Variants in LRMDA observed in about 807,000 individuals in gnomAD.
LRMDA encodes the protein leucine-rich melanocyte differentiation-associated protein.
LRMDA carries 18 observed loss-of-function variants against 29.8 expected under a neutral mutation model. The ratio of observed to expected loss-of-function variants is 0.60; its 90% CI spans 0.42 to 0.90. The LOEUF (loss-of-function observed/expected upper bound fraction) is 0.90. LRMDA is among the 40% of genes least tolerant of loss of function. The probability of loss-of-function intolerance (pLI) is 0.00; values close to 1 mark genes in which losing one functional copy is unlikely to be tolerated. For missense variants in LRMDA, 273 were observed against 273.9 expected, an observed-to-expected ratio of 1.00 and a Z score of 0.02; for synonymous variants, 125 against 109.4, an observed-to-expected ratio of 1.14 and a Z score of -0.89.
chr10:75,458,218 A>G (rs1055374521), intron 2 of LRMDA, among the ~76,000 whole-genome samples: 5 of 152,200 alleles, frequency 3.3e-5, no homozygotes, highest in Non-Finnish European at 5.9e-5. Flanking sequence ...ATATCCCAAA[A>G]GTAGTTTATT....
chr10:75,858,276 T>A (rs182125534), intron 2 of LRMDA, among the ~76,000 whole-genome samples: 3 of 152,310 alleles, frequency 2.0e-5, no homozygotes, highest in African/African-American at 7.2e-5. Context: ...GGTGAAAAGA[T>A]GCTGATAGCT....
chr10:75,480,020 T>G (rs3012049), intron 2 of LRMDA, among the ~76,000 whole-genome samples: 2 of 3,678 alleles, frequency 5.4e-4, no homozygotes, highest in African/African-American at 1.9e-3. Context: ...GACACAAACA[T>G]GTACTGGGTA....
intron 5 of LRMDA, among the ~76,000 whole-genome samples, chr10:76,248,783 A>G (rs903425281): frequency 2.0e-5 from 3 of 152,348 alleles, no homozygotes; most frequent in Non-Finnish European, 2.9e-5. Context: ...TTTGTGCAGG[A>G]TAACATATCA....
intron 5 of LRMDA, among the ~76,000 whole-genome samples, chr10:76,317,505 A>T (rs528374237): frequency 6.6e-6 from 1 of 152,336 alleles, no homozygotes; most frequent in African/African-American, 2.4e-5. Flanking sequence ...ATTGTAAATT[A>T]TAAGAAGTAA....
chr10:76,253,140 A>G (rs190241409), intron 5 of LRMDA, among the ~76,000 whole-genome samples: 1 of 152,232 alleles, frequency 6.6e-6, no homozygotes, highest in East Asian at 1.9e-4. Flanking sequence ...TGGGAAATTG[A>G]GTTTTCAGAT....
chr10:76,410,787 C>G (rs1455075000), intron 6 of LRMDA, among the ~76,000 whole-genome samples: 1 of 152,178 alleles, frequency 6.6e-6, no homozygotes, highest in South Asian at 2.1e-4. Context: ...AACCCTGTCT[C>G]TACTAAATGT....
chr10:75,791,059 T>G (rs1337220572), intron 2 of LRMDA, among the ~76,000 whole-genome samples: 1 of 152,210 alleles, frequency 6.6e-6, no homozygotes, highest in Non-Finnish European at 1.5e-5. Context: ...GCTAATTCTG[T>G]GCAGTGCAGT....
At chr10:76,469,418 A>C (rs1328938032) in intron 6 of LRMDA, among the ~76,000 whole-genome samples, 1 of 152,124 alleles carries the variant, frequency 6.6e-6, no homozygotes, top group East Asian at 1.9e-4. Context: ...CTAACTGAGA[A>C]CACTTGGGCC....
At chr10:75,563,431 C>G (rs919381518) in intron 2 of LRMDA, among the ~76,000 whole-genome samples, 39 of 152,078 alleles carry the variant, frequency 2.6e-4, no homozygotes, top group Non-Finnish European at 4.3e-4. Flanking sequence ...ATACATTTGT[C>G]TAAATTTTTT....
At chr10:75,752,134 A>G (rs1490286421) in intron 2 of LRMDA, among the ~76,000 whole-genome samples, 2 of 150,726 alleles carry the variant, frequency 1.3e-5, no homozygotes, top group Non-Finnish European at 2.9e-5. Context: ...TTTTCGTGAT[A>G]CTTAGACATA....
At chr10:76,342,125 AG>A (rs1564729418) in intron 6 of LRMDA, among the ~76,000 whole-genome samples, 1 of 152,212 alleles carries the variant, frequency 6.6e-6, no homozygotes, top group African/African-American at 2.4e-5. Flanking sequence ...TTCAGTAGAT[AG>A]AGGTAGTACA....
At chr10:75,558,711 G>GTGA in intron 2 of LRMDA, among the ~76,000 whole-genome samples, 1 of 149,320 alleles carries the variant, frequency 6.7e-6, no homozygotes, top group African/African-American at 2.5e-5. Flanking sequence ...TCCCCAGAGT[G>GTGA]TGATGTTCCC....
At chr10:75,486,075 G>A (rs923914923) in intron 2 of LRMDA, among the ~76,000 whole-genome samples, 1 of 152,136 alleles carries the variant, frequency 6.6e-6, no homozygotes, top group African/African-American at 2.4e-5. Flanking sequence ...CTAATACACA[G>A]TGTTTGCATT....
At chr10:75,961,370 T>C (rs1407737) in intron 2 of LRMDA, among the ~76,000 whole-genome samples, 102,510 of 152,130 alleles carry the variant, frequency 0.67, 34,618 homozygotes, top group South Asian at 0.74. Context: ...AGCAAGGTGT[T>C]GTTTTGTTTT....
In LRMDA at chr10:75,864,802, G is replaced by T. The variant is rs1844993799; in HGVS notation, c.132-171206G>T. ...ATTTTTGTTTTGAGGCTCTTTAGCA[G>T]AATTAATGATTTTTAATCAAATTTC... On this transcript the variant is annotated intron_variant, in intron 2 of 6. Coordinates refer to ENST00000611255, the MANE Select transcript of LRMDA (RefSeq NM_001305581.2). Among the ~76,000 whole-genome samples, 3 of 152,172 alleles carry T rather than the reference G, an allele frequency of 2.0e-5. No homozygotes were observed. In the South Asian group the frequency reaches 6.2e-4, roughly 32 times the overall value.
At chr10:76,089,502 A>T (rs181192736) in intron 5 of LRMDA, among the ~76,000 whole-genome samples, 13 of 152,364 alleles carry the variant, frequency 8.5e-5, no homozygotes, top group Admixed American at 4.6e-4. Flanking sequence ...AGCTCTTGGT[A>T]TGCAGGCTTG....
chr10:76,391,325 C>A (rs771156647), intron 6 of LRMDA, among the ~76,000 whole-genome samples: 5 of 152,196 alleles, frequency 3.3e-5, no homozygotes, highest in African/African-American at 7.2e-5. Context: ...ATGTCCCTGA[C>A]AGATAGCCTA....
intron 2 of LRMDA, among the ~76,000 whole-genome samples, chr10:76,007,837 T>C (rs1847699922): frequency 6.6e-6 from 1 of 152,190 alleles, no homozygotes; most frequent in South Asian, 2.1e-4. Context: ...GCTTGGAGGC[T>C]GCACTCACTC....
chr10:76,196,969 T>C (rs1273930614), intron 5 of LRMDA, among the ~76,000 whole-genome samples: 2 of 152,154 alleles, frequency 1.3e-5, no homozygotes, highest in Non-Finnish European at 2.9e-5. Flanking sequence ...AATGGTCCTT[T>C]CTCTTTTTAA....
Sources: gnomAD v4.1 joint callset for allele counts (sites outside exome capture counted in the v4.1 genomes callset) on GRCh38, gnomAD v4.1.1 for gene constraint, MANE v1.5 for transcripts, NCBI Gene and HGNC (gene_info 2026-07-23, HGNC 2026-07-21) for gene names.